Variants in LINGO2 observed in about 807,000 individuals in gnomAD.
LINGO2 encodes the protein leucine rich repeat and Ig domain containing 2.
A neutral mutation model predicts 30.6 loss-of-function variants in LINGO2; 14 were observed. The observed-to-expected ratio is 0.46, with a 90% CI of 0.30 to 0.72. The LOEUF (loss-of-function observed/expected upper bound fraction) is 0.72. LINGO2 is among the 30% of genes least tolerant of loss of function. The pLI is 0.07. For missense variants in LINGO2, 729 were observed against 751.7 expected, an observed-to-expected ratio of 0.97 and a Z score of 0.35; for synonymous variants, 317 against 288.5, an observed-to-expected ratio of 1.10 and a Z score of -1.00.
chr9:28,431,268 C>A (rs1823666455), intron 2 of LINGO2, among the ~76,000 whole-genome samples: 1 of 152,076 alleles, frequency 6.6e-6, no homozygotes, highest in Non-Finnish European at 1.5e-5. Context: ...TCTACCACAT[C>A]CAGTATCTTC....
intron 4 of LINGO2, among the ~76,000 whole-genome samples, chr9:28,276,588 T>G (rs1365521040): frequency 1.3e-5 from 2 of 152,226 alleles, no homozygotes; most frequent in Non-Finnish European, 2.9e-5. Context: ...CCCTTCCATC[T>G]GTTGGAAAAG....
chr9:28,121,814 A>G (rs1238895234), intron 4 of LINGO2, among the ~76,000 whole-genome samples: 2 of 152,226 alleles, frequency 1.3e-5, no homozygotes, highest in African/African-American at 4.8e-5. Context: ...ACTCCACTAG[A>G]ATATGAATCA....
chr9:28,056,042 C>G (rs1490776682), intron 4 of LINGO2, among the ~76,000 whole-genome samples: 1 of 152,112 alleles, frequency 6.6e-6, no homozygotes, highest in East Asian at 1.9e-4. Context: ...ACAAAAGAAA[C>G]TATTTTAAAG....
the LINGO2 span, among the ~76,000 whole-genome samples, chr9:28,895,436 T>C: frequency 6.6e-6 from 1 of 152,138 alleles, no homozygotes; most frequent in Admixed American, 6.6e-5. Context: ...AAGTACTTCT[T>C]GAGGGACATC....
intron 2 of LINGO2, among the ~76,000 whole-genome samples, chr9:28,434,932 T>G (rs576824576): frequency 1.3e-5 from 2 of 152,138 alleles, no homozygotes; most frequent in Non-Finnish European, 2.9e-5. Context: ...ATTCTATTGT[T>G]AGCTTAGAGT....
intron 1 of LINGO2, among the ~76,000 whole-genome samples, chr9:28,560,252 A>AT (rs1822977554): frequency 6.6e-6 from 1 of 152,054 alleles, no homozygotes. Context: ...TGAAAGGGTG[A>AT]TTTTGGGTAA....
intron 1 of LINGO2, among the ~76,000 whole-genome samples, chr9:28,500,044 G>A (rs939266000): frequency 2.6e-5 from 4 of 152,016 alleles, no homozygotes; most frequent in Admixed American, 6.6e-5. Context: ...AGCAACCTCC[G>A]TCTCTAGTTC....
chr9:29,055,796 T>A, the LINGO2 span, among the ~76,000 whole-genome samples: 2 of 151,960 alleles, frequency 1.3e-5, no homozygotes, highest in Non-Finnish European at 2.9e-5. Context: ...CTCCCACTTA[T>A]GAGTGAGAAC....
At chr9:28,034,539 T>G (rs988349098) in intron 4 of LINGO2, among the ~76,000 whole-genome samples, 2 of 152,240 alleles carry the variant, frequency 1.3e-5, no homozygotes, top group African/African-American at 4.8e-5. Context: ...TCAAATATCC[T>G]TATGTGTGAT....
intron 1 of LINGO2, among the ~76,000 whole-genome samples, chr9:28,556,961 T>C (rs1822739005): frequency 4.6e-5 from 7 of 152,186 alleles, no homozygotes; most frequent in Middle Eastern, 3.4e-3. Flanking sequence ...AAGCTGAAAC[T>C]AGATCCCTTC....
chr9:28,916,998 T>TA, the LINGO2 span, among the ~76,000 whole-genome samples: 8 of 152,188 alleles, frequency 5.3e-5, no homozygotes, highest in Non-Finnish European at 1.0e-4. Flanking sequence ...GAGTAAACAC[T>TA]AATGTTCAAC....
Position 28,374,790 on chromosome 9 carries a change from A to T in LINGO2, c.-278-1922T>A, listed in dbSNP as rs1177660134. Among the ~76,000 whole-genome samples, 3 of 152,220 alleles carry T rather than the reference A, an allele frequency of 2.0e-5. No individual in the cohort carries two copies. In the East Asian group the frequency reaches 5.8e-4, roughly 29 times the overall value. ...CACAAATGAGAAAATTGAGTCTCACAAAAGTCATTTATTTGCCCAAATTTA... is the reference window on the plus strand; with the variant it reads ...CACAAATGAGAAAATTGAGTCTCACTAAAGTCATTTATTTGCCCAAATTTA... On this transcript the variant is annotated intron_variant, in intron 2 of 5. Coordinates refer to ENST00000379992, the Ensembl canonical transcript of LINGO2.
chr9:28,894,695 G>T, the LINGO2 span, among the ~76,000 whole-genome samples: 2 of 151,764 alleles, frequency 1.3e-5, no homozygotes, highest in African/African-American at 4.8e-5. Context: ...ATATGACAGA[G>T]TGTAAAATAT....
chr9:28,452,140 C>T (rs1824673687), intron 2 of LINGO2, among the ~76,000 whole-genome samples: 1 of 151,676 alleles, frequency 6.6e-6, no homozygotes, highest in Admixed American at 6.6e-5. Context: ...CTTTTTTAGT[C>T]TTTTCATTGA....
intron 3 of LINGO2, among the ~76,000 whole-genome samples, chr9:28,306,216 G>C (rs1032892139): frequency 6.6e-6 from 1 of 152,060 alleles, no homozygotes; most frequent in East Asian, 1.9e-4. Context: ...GTCTTGCCTT[G>C]TCCTCTGAGC....
chr9:28,468,982 C>A (rs1454752322), intron 2 of LINGO2, among the ~76,000 whole-genome samples: 1 of 151,886 alleles, frequency 6.6e-6, no homozygotes. Context: ...CACACATCAG[C>A]CTCACTAGAT....
chr9:29,186,539 T>C, the LINGO2 span, among the ~76,000 whole-genome samples: 1 of 152,042 alleles, frequency 6.6e-6, no homozygotes, highest in African/African-American at 2.4e-5. Context: ...AGTAAAAAGA[T>C]CCAGAAAATT....
At chr9:29,008,441 C>A in the LINGO2 span, among the ~76,000 whole-genome samples, 1 of 152,128 alleles carries the variant, frequency 6.6e-6, no homozygotes, top group Non-Finnish European at 1.5e-5. Context: ...GGTATATACC[C>A]AGTAATGGGA....
chr9:28,432,962 G>A (rs745550210), intron 2 of LINGO2, among the ~76,000 whole-genome samples: 6 of 151,870 alleles, frequency 4.0e-5, no homozygotes, highest in Non-Finnish European at 8.8e-5. Flanking sequence ...GTAGAAATGA[G>A]GAGGAAATGA....
Sources: allele counts gnomAD v4.1 joint callset (sites outside exome capture counted in the v4.1 genomes callset), GRCh38; gene constraint gnomAD v4.1.1; transcripts MANE v1.5; gene names NCBI Gene and HGNC (gene_info 2026-07-23, HGNC 2026-07-21).